Variants in MYOZ2 observed in about 807,000 individuals in gnomAD.
MYOZ2 encodes myozenin-2.
MYOZ2 carries 19 observed loss-of-function variants against 25.4 expected under a neutral mutation model. The ratio of observed to expected loss-of-function variants is 0.75; its 90% CI spans 0.52 to 1.10. The LOEUF is 1.10. MYOZ2 is among the 50% of genes least tolerant of loss of function. The pLI, the probability that MYOZ2 is intolerant of heterozygous loss-of-function variation, is 0.00. For synonymous variants in MYOZ2, 92 were observed against 106.9 expected (o/e 0.86, Z 0.86); for missense variants, 270 against 317.9 (o/e 0.85, Z 1.15).
chr4:119,138,399 A>G (rs546900335), intron 2 of MYOZ2, among the ~76,000 whole-genome samples: 16 of 152,282 alleles, frequency 1.1e-4, no homozygotes, highest in Non-Finnish European at 2.1e-4. Flanking sequence ...ATTTCCTCTG[A>G]CATTTTATAT....
chr4:119,142,301 G>A (rs747370776), intron 2 of MYOZ2, among the ~76,000 whole-genome samples: 4 of 152,086 alleles, frequency 2.6e-5, no homozygotes, highest in South Asian at 2.1e-4. Flanking sequence ...CCTCAAGAGC[G>A]TAACGTCTCT....
At chr4:119,163,507 C>T (rs938657685) in intron 4 of MYOZ2, among the ~76,000 whole-genome samples, 9 of 152,074 alleles carry the variant, frequency 5.9e-5, no homozygotes, top group Admixed American at 2.0e-4. Context: ...CAAGAATTTC[C>T]GTGACTTTTA....
chr4:119,183,829 T>C (rs1255500910), intron 5 of MYOZ2, among the ~76,000 whole-genome samples: 1 of 150,732 alleles, frequency 6.6e-6, no homozygotes, highest in Non-Finnish European at 1.5e-5. Context: ...TTTTTTTTTT[T>C]CCGAGACTGA....
chr4:119,169,082 G>A (rs1453039430), intron 5 of MYOZ2, among the ~76,000 whole-genome samples: 1 of 149,470 alleles, frequency 6.7e-6, no homozygotes, highest in East Asian at 2.0e-4. Context: ...TCAACAATAT[G>A]GCAATCACTC....
At chr4:119,181,239 C>T (rs976097325) in intron 5 of MYOZ2, among the ~76,000 whole-genome samples, 5 of 151,970 alleles carry the variant, frequency 3.3e-5, no homozygotes, top group Non-Finnish European at 7.4e-5. Context: ...TTTATTTTTT[C>T]TTGTTAACTT....
At chr4:119,157,891 G>C in intron 3 of MYOZ2, 131 bp from the exon 4 acceptor site, 1 of 1,091,762 alleles carries the variant, frequency 9.2e-7, no homozygotes, top group Non-Finnish European at 1.3e-6. Context: ...AAATTATTGA[G>C]GTCCCAGGAA....
At chr4:119,166,825 T>A (rs1191505337) in intron 5 of MYOZ2, among the ~76,000 whole-genome samples, 1 of 152,214 alleles carries the variant, frequency 6.6e-6, no homozygotes, top group Admixed American at 6.5e-5. Context: ...ATCTTAGATG[T>A]TACTATTGTA....
chr4:119,177,076 T>G (rs1356339141), intron 5 of MYOZ2, among the ~76,000 whole-genome samples: 1 of 152,136 alleles, frequency 6.6e-6, no homozygotes, highest in East Asian at 1.9e-4. Context: ...AAAACAAAGT[T>G]TATTCTTTAT....
chr4:119,155,336 G>A (rs1034454642), intron 3 of MYOZ2, among the ~76,000 whole-genome samples: 4 of 152,094 alleles, frequency 2.6e-5, no homozygotes, highest in African/African-American at 7.2e-5. Flanking sequence ...TAAATAGGAT[G>A]GGGACTCCAA....
intron 5 of MYOZ2, among the ~76,000 whole-genome samples, chr4:119,174,917 A>G (rs1217200719): frequency 6.6e-6 from 1 of 152,168 alleles, no homozygotes; most frequent in Non-Finnish European, 1.5e-5. Context: ...GGAGGAACGA[A>G]CAACTCCAGA....
In MYOZ2 at chr4:119,172,285, G is replaced by T. The variant is rs564153349; in HGVS notation, c.560+7891G>T. ...AGAATTGCGATAGAGTTTAATTCACGCAGAGCTGGCTGCATGACGGGAGAC... is the reference window on the plus strand; with the variant it reads ...AGAATTGCGATAGAGTTTAATTCACTCAGAGCTGGCTGCATGACGGGAGAC... On this transcript the variant is annotated intron_variant, in intron 5 of 5. Transcript: ENST00000307128. Among the ~76,000 whole-genome samples, 4 of 152,294 alleles carry T rather than the reference G, an allele frequency of 2.6e-5. No homozygotes were observed. In the East Asian group the frequency reaches 5.8e-4, roughly 22 times the overall value.
intron 2 of MYOZ2, among the ~76,000 whole-genome samples, chr4:119,145,506 CTGTG>C (rs200111377): frequency 0.021 from 2,747 of 128,178 alleles, 63 homozygotes; most frequent in African/African-American, 0.039. Flanking sequence ...CCAGCTAAAA[CTGTG>C]TGTGTGTGTG....
chr4:119,185,988 T>C lies in MYOZ2; in HGVS notation c.583T>C (p.Phe195Leu), dbSNP rs554299359. Residue 195 changes from phenylalanine to leucine, a missense_variant, in exon 6 of 6, where the codon TTT becomes CTT. Physicochemically the swap from Phe to Leu is conservative, Grantham distance 22 (BLOSUM62 0). Transcript: ENST00000307128. ...FNRVATPFGGFEKASRMVKFK... is the reference protein window; with the variant it reads ...FNRVATPFGGLEKASRMVKFK... ...CAGGGTTGCCACACCATTTGGAGGT[T>C]TTGAAAAAGCATCAAGAATGGTTAA... 7 of 1,613,898 alleles carry C rather than the reference T, an allele frequency of 4.3e-6. No homozygotes were observed. Among genetic ancestry groups the C allele is most frequent in the Non-Finnish European group, 5.9e-6 (7 of 1,179,968 alleles).
chr4:119,182,161 A>G (rs1742195943), intron 5 of MYOZ2, among the ~76,000 whole-genome samples: 1 of 152,240 alleles, frequency 6.6e-6, no homozygotes, highest in South Asian at 2.1e-4. Context: ...TGCCACTGAA[A>G]TAATTTTGAA....
intron 5 of MYOZ2, among the ~76,000 whole-genome samples, chr4:119,167,235 C>T (rs1741842969): frequency 5.9e-5 from 9 of 152,182 alleles, no homozygotes; most frequent in Admixed American, 5.9e-4. Flanking sequence ...AATAGTAAAA[C>T]AGCCTTAGTG....
At chr4:119,149,735 G>GA (rs1741404254) in intron 2 of MYOZ2, among the ~76,000 whole-genome samples, 1 of 151,974 alleles carries the variant, frequency 6.6e-6, no homozygotes, top group African/African-American at 2.4e-5. Context: ...AGCTTTACAG[G>GA]AAAAAACACA....
intron 5 of MYOZ2, among the ~76,000 whole-genome samples, chr4:119,168,559 A>C (rs1367267153): frequency 2.0e-5 from 3 of 152,184 alleles, no homozygotes. Flanking sequence ...GGTTAACTTT[A>C]AGGGGTTCAA....
rs376455906 is a variant in MYOZ2 at position 119,183,422 on chromosome 4, G to GA, written c.561-2534dup. 3.6e-3 allele frequency among the ~76,000 whole-genome samples: 521 copies of GA among 145,806 alleles called. 1 individual carries two copies. Among genetic ancestry groups the GA allele is most frequent in the African/African-American group, 0.012 (481 of 39,868 alleles). On this transcript the variant is annotated intron_variant, in intron 5 of 5. Coordinates refer to ENST00000307128, the MANE Select transcript of MYOZ2 (RefSeq NM_016599.5). ...TATCAGAGTACTCCAAGCAGAGAGA[G>GA]AAAAAAAAAAGAGTATGATTAGAGG...
chr4:119,158,335 C>T (rs1741631715), intron 4 of MYOZ2, among the ~76,000 whole-genome samples, 184 bp downstream of exon 4: 2 of 152,100 alleles, frequency 1.3e-5, no homozygotes, highest in Non-Finnish European at 2.9e-5. Flanking sequence ...GTGGGTGGAT[C>T]ACCTGAGCCC....
Sources: allele counts gnomAD v4.1 joint callset (sites outside exome capture counted in the v4.1 genomes callset), GRCh38; gene constraint gnomAD v4.1.1; transcripts MANE v1.5; gene names NCBI Gene and HGNC (gene_info 2026-07-23, HGNC 2026-07-21).